The following HUWE1 variants were observed in gnomAD, a reference collection of about 807,000 sequenced individuals.
HUWE1 encodes HECT, UBA and WWE domain containing E3 ubiquitin protein ligase 1.
HUWE1 carries 18 observed loss-of-function variants against 299.4 expected under a neutral mutation model. The ratio of observed to expected loss-of-function variants is 0.06; its 90% CI spans 0.04 to 0.09. The LOEUF (loss-of-function observed/expected upper bound fraction) is 0.09, where lower values mean the gene tolerates loss of function less well. Ranked by LOEUF, HUWE1 falls within the 10% of genes least tolerant of loss-of-function variation. The pLI is 1.00. For synonymous variants in HUWE1, 1,317 were observed against 1,286.1 expected, an observed-to-expected ratio of 1.02 and a Z score of -0.51; for missense variants, 1,832 against 3,462.3, an observed-to-expected ratio of 0.53 and a Z score of 11.82.
At chrX:53,681,327 G>C (rs781865281) in intron 2 of HUWE1, among the ~76,000 whole-genome samples, 1 of 108,215 alleles carries the variant, frequency 9.2e-6, no homozygotes, top group African/African-American at 3.4e-5. Context: ...CCAGCTACTC[G>C]GGAGGCTGAG....
At position 53,648,254 on chromosome X, in the gene HUWE1, A is replaced by T. The variant is rs782545652; in HGVS notation, c.102T>A (p.Leu34=). ...DKLKVCNDEQ[L]LLELQQIKTW... The stretch of plus-strand genomic sequence containing the variant: ...TTTTGATCTGCTGCAGTTCCAAGAG[A>T]AGTTGCTCATCATTACAAACTTTGA... The change falls in exon 5 of 84, where the codon CTT becomes CTA. Residue 34 remains leucine, a synonymous_variant. Transcript: ENST00000262854. 1 of 1,203,787 alleles carries T rather than the reference A, an allele frequency of 8.3e-7. No individual in the cohort carries two copies. Among genetic ancestry groups the T allele is most frequent in the African/African-American group, 1.8e-5 (1 of 57,084 alleles).
At chrX:53,618,657 T>C (rs977715555) in intron 19 of HUWE1, among the ~76,000 whole-genome samples, 2 of 107,517 alleles carry the variant, frequency 1.9e-5, no homozygotes, top group Admixed American at 2.0e-4. Context: ...CTCCACCTCC[T>C]GGGTTCAAGC....
At chrX:53,570,553 G>A (rs1156340356) in intron 47 of HUWE1, among the ~76,000 whole-genome samples, 1 of 112,244 alleles carries the variant, frequency 8.9e-6, no homozygotes, top group African/African-American at 3.2e-5. Flanking sequence ...TAAGAGCTGA[G>A]CAAGAGACAG....
In HUWE1 at chrX:53,560,419, G is replaced by A. The variant is rs1556939935; in HGVS notation, c.7508-3C>T. On this transcript the variant is annotated splice_region_variant and splice_polypyrimidine_tract_variant and intron_variant, in intron 55 of 83. Coordinates refer to ENST00000262854, the MANE Select transcript of HUWE1 (RefSeq NM_031407.7). ...TCCTGGGGATGGGGGGATGTCTGCT[G>A]CAAGGACAATATGTAAAAGGGTCAG... 1 of 1,201,525 alleles carries A rather than the reference G, an allele frequency of 8.3e-7. No homozygotes were observed. The highest frequency in any genetic ancestry group is 1.1e-6 in the Non-Finnish European group (1 of 886,589).
At chrX:53,565,776 C>T (rs76046665) in intron 49 of HUWE1, among the ~76,000 whole-genome samples, 34 of 109,931 alleles carry the variant, frequency 3.1e-4, no homozygotes, top group African/African-American at 9.6e-4. Context: ...GGACTACAGG[C>T]GTGAGCCACC....
chrX:53,548,506 G>A (rs1005927229), intron 67 of HUWE1, among the ~76,000 whole-genome samples: 20 of 112,731 alleles, frequency 1.8e-4, no homozygotes, highest in Admixed American at 2.8e-4. Context: ...CTTTAGTCTC[G>A]CACTTATAAA....
chrX:53,561,798 C>T lies in HUWE1; in HGVS notation c.7465G>A (p.Asp2489Asn), dbSNP rs1556941376. 2 of 1,208,846 alleles carry T rather than the reference C, an allele frequency of 1.7e-6. No individual in the cohort carries two copies. The change falls in exon 55 of 84, where the codon GAT becomes AAT. Residue 2489 changes from aspartate (D) to asparagine (N), a missense_variant. Coordinates refer to ENST00000262854, the MANE Select transcript of HUWE1 (RefSeq NM_031407.7). The stretch of plus-strand genomic sequence containing the variant: ...TTGTCAAACTCAATGATGAGATCAT[C>T]CTCCCGGTCAAAGCGCTCAAATCGG... ...LVRFERFDRE[D>N]DLIIEFDNMF...
chrX:53,577,599 G>A (rs1172357287), intron 43 of HUWE1, among the ~76,000 whole-genome samples: 2 of 112,335 alleles, frequency 1.8e-5, no homozygotes, highest in African/African-American at 6.4e-5. Flanking sequence ...CTGCCATCTC[G>A]GCTCACTGCA....
chrX:53,539,597 C>A (rs1217295090), intron 75 of HUWE1, 60 bp downstream of exon 75: 10 of 1,130,408 alleles, frequency 8.8e-6, no homozygotes, highest in African/African-American at 1.8e-5. Context: ...AACAAGCTGG[C>A]AGGAAGGGCC....
At chrX:53,675,113 A>G (rs1287553926) in intron 3 of HUWE1, among the ~76,000 whole-genome samples, 1 of 111,286 alleles carries the variant, frequency 9.0e-6, no homozygotes, top group Non-Finnish European at 1.9e-5. Context: ...CTGTTTCTTT[A>G]CATTGTACTT....
chrX:53,649,513 C>G (rs1349993978), intron 4 of HUWE1, among the ~76,000 whole-genome samples: 2 of 111,971 alleles, frequency 1.8e-5, no homozygotes, highest in Admixed American at 1.9e-4. Flanking sequence ...AAGCTAAGTC[C>G]AAACCTTTTC....
chrX:53,599,622 T>TA (rs2064710980), intron 29 of HUWE1, among the ~76,000 whole-genome samples: 1 of 112,365 alleles, frequency 8.9e-6, no homozygotes, highest in Non-Finnish European at 1.9e-5. Flanking sequence ...CTATGTCTCT[T>TA]GCCAGTTATG....
chrX:53,585,215 T>C, intron 39 of HUWE1, 27 bp from the exon 40 acceptor site: 2 of 1,197,940 alleles, frequency 1.7e-6, no homozygotes, highest in Non-Finnish European at 2.3e-6. Context: ...AAAGTTTCTT[T>C]GTATTTCTTT....
chrX:53,584,812 A>G (rs903558349), intron 40 of HUWE1, among the ~76,000 whole-genome samples, 200 bp downstream of exon 40: 7 of 111,921 alleles, frequency 6.3e-5, no homozygotes, highest in African/African-American at 2.0e-4. Context: ...GGGGTGTCCA[A>G]TCTTTTGGCT....
At chrX:53,627,007 T>C (rs2066555118) in intron 17 of HUWE1, among the ~76,000 whole-genome samples, 1 of 110,952 alleles carries the variant, frequency 9.0e-6, no homozygotes, top group Admixed American at 9.5e-5. Context: ...CATTTTAGTC[T>C]CTCTCTCTCT....
chrX:53,604,985 C>A, intron 25 of HUWE1, 151 bp from the exon 26 acceptor site: 2 of 503,333 alleles, frequency 4.0e-6, no homozygotes, highest in Admixed American at 3.3e-5. Context: ...TGGTGGAACC[C>A]AAATATGAAG....
rs1556937832 is a variant in HUWE1, at chrX:53,558,810, C to T, written c.8006-1G>A. ...TGATTGACAATGGACACTTTAACCA[C>T]TGTTTCAAAGAGGCAAAAATCAAAG... On this transcript the variant is annotated splice_acceptor_variant, in intron 58 of 83. Transcript: ENST00000262854. LOFTEE classifies it high-confidence loss of function. 1 of 1,211,619 alleles carries T rather than the reference C, an allele frequency of 8.3e-7. No homozygotes were observed. The highest frequency in any genetic ancestry group is 1.8e-5 in the South Asian group (1 of 56,957).
At chrX:53,555,760 GCCT>G (rs1399318372) in intron 60 of HUWE1, among the ~76,000 whole-genome samples, 2 of 107,226 alleles carry the variant, frequency 1.9e-5, no homozygotes, top group Non-Finnish European at 3.8e-5. Context: ...TCCTGCCTCA[GCCT>G]CCTGAGTAGC....
intron 80 of HUWE1, chrX:53,535,837 T>C (rs1719511628): frequency 1.1e-5 from 4 of 374,476 alleles, no homozygotes; most frequent in East Asian, 4.7e-5. Flanking sequence ...AGAGTAACCT[T>C]AACTGCCTTC....
Sources: gnomAD v4.1 joint callset for allele counts (sites outside exome capture counted in the v4.1 genomes callset) on GRCh38, gnomAD v4.1.1 for gene constraint, MANE v1.5 for transcripts, NCBI Gene and HGNC (gene_info 2026-07-23, HGNC 2026-07-21) for gene names.